The following RBBP6 variants were observed in gnomAD, a reference collection of about 807,000 sequenced individuals.
RBBP6 encodes E3 ubiquitin-protein ligase RBBP6.
Under a neutral mutation model 167.7 loss-of-function variants are expected in RBBP6, and 25 were observed. The observed-to-expected ratio is 0.15, with a 90% CI of 0.11 to 0.21. RBBP6 has a LOEUF of 0.21. RBBP6 is among the 10% of genes least tolerant of loss of function. RBBP6 has a pLI of 1.00. For missense variants in RBBP6, 1,868 were observed against 2,134.2 expected, an observed-to-expected ratio of 0.88 and a Z score of 2.46; for synonymous variants, 789 against 735.8, an observed-to-expected ratio of 1.07 and a Z score of -1.17.
chr16:24,568,123 T>C (rs1258774935), intron 16 of RBBP6, among the ~76,000 whole-genome samples: 1 of 152,238 alleles, frequency 6.6e-6, no homozygotes, highest in Non-Finnish European at 1.5e-5. Context: ...CCCTTGTCCC[T>C]TAAAGTTATT....
rs548344798 is a variant in RBBP6 at position 24,553,943 on chromosome 16, C to T, written c.348+386C>T. The stretch of plus-strand genomic sequence containing the variant: ...AAGATTTCCTTTACACGGACGATTG[C>T]ATGGTTATTTCTTGAATATTTGACT... On this transcript the variant is annotated intron_variant, in intron 4 of 17. Transcript: ENST00000319715. 13 of 155,478 alleles carry T rather than the reference C, an allele frequency of 8.4e-5. No homozygotes were observed. The East Asian group carries it at 1.5e-3, about 18-fold the overall frequency. 9.6% of individuals were successfully genotyped at this position (155,478 alleles called of 1,614,324 possible).
chr16:24,557,318 A>G (rs779405714), intron 7 of RBBP6, among the ~76,000 whole-genome samples: 2 of 152,088 alleles, frequency 1.3e-5, no homozygotes, highest in African/African-American at 2.4e-5. Context: ...CAGATTTTAT[A>G]TTATGAACCA....
chr16:24,556,554 T>C (rs946698877), intron 7 of RBBP6, 107 bp downstream of exon 7: 6 of 1,281,130 alleles, frequency 4.7e-6, no homozygotes, highest in Non-Finnish European at 3.1e-6. Context: ...TTGAGAACTT[T>C]GTATACCAAA....
intron 8 of RBBP6, 43 bp from the exon 9 acceptor site, chr16:24,561,569 G>C: frequency 6.7e-7 from 1 of 1,503,196 alleles, no homozygotes; most frequent in Non-Finnish European, 9.2e-7. Context: ...AACACTTTGA[G>C]TTCCTACTAT....
intron 2 of RBBP6, among the ~76,000 whole-genome samples, chr16:24,547,666 G>A (rs922741816): frequency 6.6e-5 from 10 of 152,068 alleles, no homozygotes; most frequent in South Asian, 2.1e-4. Context: ...ATGTTGGCCC[G>A]GCTGGTTTCA....
rs1010157033 is a variant in RBBP6, at chr16:24,539,720, G to C, written c.-907G>C. On this transcript the variant is annotated 5_prime_UTR_variant, in exon 1 of 18. Transcript: ENST00000319715. The stretch of plus-strand genomic sequence containing the variant: ...CCGCTGCCCAGCAGCTTGCGGGCGT[G>C]TTCTCGCGGTTCCGGGCCTCAAGGC... 6.6e-6 allele frequency: 1 copy of C among 152,208 alleles called. No homozygotes were observed. Among genetic ancestry groups the C allele is most frequent in the South Asian group, 2.1e-4 (1 of 4,838 alleles). The allele number at this position is 152,208 out of a possible 1,614,324, so 9.4% of individuals were successfully genotyped here. A position where few individuals can be genotyped will look rare whatever the true frequency, so the allele number is the denominator to read the frequency against.
At chr16:24,543,650 C>G (rs1898561183) in intron 1 of RBBP6, among the ~76,000 whole-genome samples, 1 of 151,918 alleles carries the variant, frequency 6.6e-6, no homozygotes, top group East Asian at 1.9e-4. Flanking sequence ...GGTCAGAATT[C>G]CATGGATTTT....
Position 24,571,195 on chromosome 16 carries a change from A to G in RBBP6, c.4129A>G (p.Thr1377Ala). Residue 1377 changes from threonine (T) to alanine (A), a missense_variant, in exon 18 of 18, where the codon ACC becomes GCC. By Grantham distance (58) the Thr-to-Ala change is moderately conservative. Transcript: ENST00000319715. Reference sequence around the variant, plus strand: ...GCCATCCGAGAAAATTCAGAAATTCACCAAGGACGTGAGCCATGAAATCAT... The same window carrying G: ...GCCATCCGAGAAAATTCAGAAATTCGCCAAGGACGTGAGCCATGAAATCAT... The part of the protein sequence containing the change: ...SEPSEKIQKF[T>A]KDVSHEIIQH... 1.2e-6 allele frequency: 2 copies of G among 1,614,098 alleles called. No homozygotes were observed. The highest frequency in any genetic ancestry group is 1.7e-6 in the Non-Finnish European group (2 of 1,179,964).
intron 13 of RBBP6, among the ~76,000 whole-genome samples, chr16:24,564,167 G>A (rs922543825): frequency 1.3e-5 from 2 of 152,052 alleles, no homozygotes; most frequent in African/African-American, 4.8e-5. Flanking sequence ...GATTTTCTCT[G>A]TGGGATATTT....
rs867653985 is a variant in RBBP6 at position 24,568,758 on chromosome 16, T to A, written c.2068T>A (p.Tyr690Asn). Residue 690 changes from tyrosine to asparagine, a missense_variant, in exon 17 of 18, where the codon TAT (tyrosine) becomes AAT (asparagine). Coordinates refer to ENST00000319715, the MANE Select transcript of RBBP6 (RefSeq NM_006910.5). ...RRSFSRSKSPYSGSSYSRSSY... is the reference protein window; with the variant it reads ...RRSFSRSKSPNSGSSYSRSSY... Reference sequence around the variant, plus strand: ...TTTTGTTTTTAGGTCTAAATCTCCCTATAGTGGTTCTTCGTATTCAAGAAG... The same window carrying A: ...TTTTGTTTTTAGGTCTAAATCTCCCAATAGTGGTTCTTCGTATTCAAGAAG... 2.5e-6 allele frequency: 4 copies of A among 1,613,564 alleles called. No homozygotes were observed. The Admixed American group carries it at 6.7e-5, about 27-fold the overall frequency.
At position 24,548,950 on chromosome 16, in the gene RBBP6, G is replaced by T. The variant is rs1204746359; in HGVS notation, c.272G>T (p.Arg91Leu). ...KSTSKTYVIS[R>L]TEPAMATTKA... ...GTTTTTATTTTGTGTTTTAGAAGTCGAACTGAACCAGCGATGGCAACTACA... is the reference window on the plus strand; with the variant it reads ...GTTTTTATTTTGTGTTTTAGAAGTCTAACTGAACCAGCGATGGCAACTACA... Residue 91 changes from arginine (R) to leucine (L), a missense_variant, in exon 3 of 18, where the codon CGA becomes CTA. By Grantham distance (102) the Arg-to-Leu change is moderately radical (BLOSUM62 -2). Coordinates refer to ENST00000319715, the MANE Select transcript of RBBP6 (RefSeq NM_006910.5). The T allele has an allele frequency of 6.2e-7, 1 of 1,607,814 alleles. No homozygotes were observed. The highest frequency in any genetic ancestry group is 8.5e-7 in the Non-Finnish European group (1 of 1,176,640).
chr16:24,560,760 C>G (rs1899031582), intron 8 of RBBP6, among the ~76,000 whole-genome samples: 1 of 152,134 alleles, frequency 6.6e-6, no homozygotes, highest in African/African-American at 2.4e-5. Context: ...GCAGGTATTA[C>G]AAGCAATCTA....
intron 8 of RBBP6, among the ~76,000 whole-genome samples, chr16:24,561,055 T>G (rs76106028): frequency 0.27 from 40,493 of 152,018 alleles, 5,436 homozygotes; most frequent in Admixed American, 0.33. Flanking sequence ...TATCTGTAAT[T>G]TAGTGTTGCT....
Position 24,567,197 on chromosome 16 carries a change from G to A in RBBP6, c.1644G>A (p.Pro548=), listed in dbSNP as rs771063330. The A allele has an allele frequency of 1.2e-5, 20 of 1,613,894 alleles. No homozygotes were observed. The highest frequency in any genetic ancestry group is 6.7e-5 in the Admixed American group (4 of 60,022). Residue 548 remains proline (P), a synonymous_variant, in exon 15 of 18, where the codon CCG becomes CCA. Transcript: ENST00000319715. ...HSERSQRTQG[P]SLPATPVFVP... Reference sequence around the variant, plus strand: ...AAAGATCACAGAGGACTCAAGGCCCGTCACTACCAGCAACTCCAGTCTTTG... The same window carrying A: ...AAAGATCACAGAGGACTCAAGGCCCATCACTACCAGCAACTCCAGTCTTTG...
chr16:24,558,153 T>A (rs1345359869), intron 7 of RBBP6, among the ~76,000 whole-genome samples: 1 of 152,216 alleles, frequency 6.6e-6, no homozygotes, highest in African/African-American at 2.4e-5. Context: ...AAGTAAAAAT[T>A]TGTGTTGGAA....
At chr16:24,563,766 GCGGGTCGCTGC>G (rs1899128611) in intron 13 of RBBP6, 102 bp downstream of exon 13, 1 of 998,056 alleles carries the variant, frequency 1.0e-6, no homozygotes, top group African/African-American at 1.7e-5. Context: ...AAACTAGGCA[GCGGGTCGCTGC>G]TCTTTATTGT....
At position 24,572,029 on chromosome 16, in the gene RBBP6, G is replaced by A. The variant is rs779448880; in HGVS notation, c.4963G>A (p.Glu1655Lys). ...TGAAAGTAATGTTTCTGTAAAAGAA[G>A]AGGAATCTTCAGGAAACATTTCTAA... ...DSESNVSVKE[E>K]ESSGNISKDL... The change falls in exon 18 of 18, where the codon GAG (glutamate) becomes AAG (lysine). Residue 1655 changes from glutamate (E) to lysine (K), a missense_variant. Physicochemically the swap from Glu to Lys is moderately conservative, Grantham distance 56. This residue lies in a region of RBBP6 where 591 missense variants were observed against 540.5 expected (regional missense o/e 1.09). Transcript: ENST00000319715. 1 of 1,614,088 alleles carries A rather than the reference G, an allele frequency of 6.2e-7. No homozygotes were observed. The highest frequency in any genetic ancestry group is 2.2e-5 in the East Asian group (1 of 44,886).
chr16:24,563,324 A>G (rs1247733003), intron 11 of RBBP6, 29 bp downstream of exon 11: 2 of 1,554,104 alleles, frequency 1.3e-6, no homozygotes, highest in Non-Finnish European at 1.8e-6. Context: ...TTAATTTGGG[A>G]TTTTTTTTAC....
chr16:24,569,065 A>C lies in RBBP6; in HGVS notation c.2375A>C (p.Glu792Ala). The C allele has an allele frequency of 6.2e-7, 1 of 1,614,144 alleles. No homozygotes were observed. The highest frequency in any genetic ancestry group is 8.5e-7 in the Non-Finnish European group (1 of 1,179,992). Reference protein sequence around the residue: ...NKRNVPQGETEREYFNRYREV... With the variant: ...NKRNVPQGETAREYFNRYREV... ...CGTAATGTACCTCAAGGGGAAACAG[A>C]ACGTGAATATTTTAATAGATACAGA... Residue 792 changes from glutamate (E) to alanine (A), a missense_variant, in exon 17 of 18, where the codon GAA (glutamate) becomes GCA (alanine). Glu to Ala is a moderately radical substitution (Grantham distance 107). Around this residue, in one of 7 missense-constraint regions of RBBP6, gnomAD observed 673 missense variants for 691.5 expected, o/e 0.97. Transcript: ENST00000319715.
Sources: gnomAD v4.1 joint callset for allele counts (sites outside exome capture counted in the v4.1 genomes callset) on GRCh38, gnomAD v4.1.1 for gene constraint, gnomAD v4.1.1 regional missense constraint, MANE v1.5 for transcripts, NCBI Gene and HGNC (gene_info 2026-07-23, HGNC 2026-07-21) for gene names.